Variants in THADA observed in about 807,000 individuals in gnomAD.
THADA encodes THADA armadillo repeat containing, also known as tRNA (32-2'-O)-methyltransferase regulator THADA.
A neutral mutation model predicts 219.8 loss-of-function variants in THADA; 213 were observed. The observed-to-expected ratio is 0.97, with a 90% CI of 0.87 to 1.09. The LOEUF is 1.09. THADA is among the 50% of genes least tolerant of loss of function. THADA has a pLI of 0.00. For synonymous variants in THADA, 1,018 were observed against 828.9 expected (o/e 1.23, Z -3.92); for missense variants, 2,956 against 2,311.3 (o/e 1.28, Z -5.72).
rs995293859 is a variant in THADA, at chr2:43,428,330, G to A, written c.3927-99C>T. ...TCATGAAATAATTATGTATATGGCC[G>A]GGTGCGGTGACTAATGCCTGTAATC... On this transcript the variant is annotated intron_variant, in intron 27 of 37. Transcript: ENST00000405975. 1.1e-4 allele frequency: 140 copies of A among 1,221,094 alleles called. No individual in the cohort carries two copies. The Middle Eastern group carries it at 2.3e-3, about 20-fold the overall frequency. The allele number at this position is 1,221,094 out of a possible 1,614,324, so 75.6% of individuals were successfully genotyped here.
chr2:43,586,035 C>T (rs989769596), intron 7 of THADA, among the ~76,000 whole-genome samples: 3 of 151,942 alleles, frequency 2.0e-5, no homozygotes, highest in Admixed American at 1.3e-4. Context: ...GAGGCTAAAG[C>T]GGGCACATTA....
chr2:43,430,265 G>A lies in THADA; in HGVS notation c.3874C>T (p.Leu1292Phe). The stretch of plus-strand genomic sequence containing the variant: ...AACTGTTTGAGAAGAAAAGGATAGA[G>A]TTCTGGGAAACGAGAGAAAAACTCT... ...GREFFSRFPE[L>F]YPFLLKQLET... The change falls in exon 27 of 38, where the codon CTC (leucine) becomes TTC (phenylalanine). Residue 1292 changes from leucine (L) to phenylalanine (F), a missense_variant. By Grantham distance (22) the Leu-to-Phe change is conservative (BLOSUM62 0). Coordinates refer to ENST00000405975, the MANE Select transcript of THADA (RefSeq NM_022065.5). 1 of 1,551,434 alleles carries A rather than the reference G, an allele frequency of 6.4e-7. No homozygotes were observed. The highest frequency in any genetic ancestry group is 8.7e-7 in the Non-Finnish European group (1 of 1,147,358).
intron 36 of THADA, among the ~76,000 whole-genome samples, chr2:43,261,456 G>C (rs1278782611): frequency 6.7e-6 from 1 of 150,298 alleles, no homozygotes; most frequent in Non-Finnish European, 1.5e-5. Context: ...TTTTGTTTGA[G>C]ACAGAGTCTT....
intron 28 of THADA, among the ~76,000 whole-genome samples, chr2:43,403,960 A>G (rs1675198007): frequency 6.6e-6 from 1 of 152,088 alleles, no homozygotes; most frequent in Non-Finnish European, 1.5e-5. Flanking sequence ...AGTTGAGACA[A>G]CCCTATTTAA....
intron 36 of THADA, among the ~76,000 whole-genome samples, chr2:43,260,176 C>T (rs1670781187): frequency 6.6e-6 from 1 of 152,190 alleles, no homozygotes; most frequent in Non-Finnish European, 1.5e-5. Context: ...CTCAAGTGAT[C>T]CTCCAGCCTC....
intron 26 of THADA, among the ~76,000 whole-genome samples, chr2:43,481,139 C>A (rs1686164995): frequency 1.3e-5 from 2 of 152,286 alleles, no homozygotes; most frequent in South Asian, 4.1e-4. Flanking sequence ...CAAAATCTCT[C>A]TATAAGCACG....
intron 36 of THADA, among the ~76,000 whole-genome samples, chr2:43,265,204 G>A (rs777907171): frequency 1.3e-5 from 2 of 152,148 alleles, no homozygotes. Flanking sequence ...CGGTGGGGGC[G>A]GGGGCACTGA....
chr2:43,530,119 A>G (rs1693676893), intron 21 of THADA, among the ~76,000 whole-genome samples: 1 of 152,196 alleles, frequency 6.6e-6, no homozygotes, highest in Admixed American at 6.5e-5. Flanking sequence ...GGAGACTAAC[A>G]AAGAACCAAA....
intron 31 of THADA, among the ~76,000 whole-genome samples, chr2:43,306,380 C>T (rs1676866339): frequency 6.6e-6 from 1 of 152,180 alleles, no homozygotes; most frequent in East Asian, 1.9e-4. Flanking sequence ...TCCACCATGA[C>T]CCTGTTTAAT....
Position 43,231,240 on chromosome 2 carries a change from T to G in THADA, c.5570A>C (p.Lys1857Thr). The G allele has an allele frequency of 6.2e-7, 1 of 1,613,750 alleles. No homozygotes were observed. Among genetic ancestry groups the G allele is most frequent in the Non-Finnish European group, 8.5e-7 (1 of 1,179,790 alleles). The stretch of plus-strand genomic sequence containing the variant: ...AGGGCTTGGGGGACGCCAGCCGGAC[T>G]TTGAGAGGAGACAGAAGAGGTGCTT... ...LCKHLFCLLS[K>T]SGWRPPSPEM... Residue 1857 changes from lysine to threonine, a missense_variant, in exon 38 of 38, where the codon AAG becomes ACG. Physicochemically the swap from Lys to Thr is moderately conservative, Grantham distance 78. Transcript: ENST00000405975.
rs1433257071 is a variant in THADA, at chr2:43,586,807, G to C, written c.451+47C>G. On this transcript the variant is annotated intron_variant, in intron 5 of 37. Coordinates refer to ENST00000405975, the MANE Select transcript of THADA (RefSeq NM_022065.5). Reference sequence around the variant, plus strand: ...CAATGTCATTTAAAAACTATGATGTGATGAGAGGGGTTAGCCAGAAAAAGG... The same window carrying C: ...CAATGTCATTTAAAAACTATGATGTCATGAGAGGGGTTAGCCAGAAAAAGG... The C allele has an allele frequency of 1.9e-6, 3 of 1,612,004 alleles. No individual in the cohort carries two copies. In the South Asian group the frequency reaches 3.3e-5, roughly 18 times the overall value.
At chr2:43,257,246 A>T (rs1670411181) in intron 36 of THADA, among the ~76,000 whole-genome samples, 1 of 152,222 alleles carries the variant, frequency 6.6e-6, no homozygotes, top group Non-Finnish European at 1.5e-5. Context: ...CTGTTTTGGG[A>T]GGGGACAGAG....
chr2:43,251,326 T>C (rs1220079012), intron 36 of THADA, among the ~76,000 whole-genome samples: 1 of 152,204 alleles, frequency 6.6e-6, no homozygotes. Flanking sequence ...AGTTGTGCTT[T>C]TTCATGAAGG....
chr2:43,533,220 A>T (rs534819263), intron 21 of THADA, among the ~76,000 whole-genome samples: 1 of 152,358 alleles, frequency 6.6e-6, no homozygotes, highest in East Asian at 1.9e-4. Context: ...AATGGTAATC[A>T]TTAAAAAGTC....
chr2:43,574,408 A>C lies in THADA; in HGVS notation c.1657T>G (p.Leu553Val). ...SYVIDYYLPKLLSYSPESLQY... is the reference protein window; with the variant it reads ...SYVIDYYLPKVLSYSPESLQY... ...AAGCTTTCAGGGCTGTAACTTAATA[A>C]TTTTGGCAAGTAATAATCAATCACG... is the stretch of plus-strand genomic sequence containing the variant. Residue 553 changes from leucine to valine, a missense_variant, in exon 11 of 38, where the codon TTA becomes GTA. Leu to Val is a conservative substitution (Grantham distance 32, BLOSUM62 1). Transcript: ENST00000405975. 1 of 1,610,302 alleles carries C rather than the reference A, an allele frequency of 6.2e-7. No homozygotes were observed. The highest frequency in any genetic ancestry group is 8.5e-7 in the Non-Finnish European group (1 of 1,178,000).
intron 31 of THADA, among the ~76,000 whole-genome samples, chr2:43,297,148 G>C (rs1158501731): frequency 3.1e-4 from 30 of 96,542 alleles, no homozygotes; most frequent in Middle Eastern, 4.1e-3. Context: ...GTCTCTGCCC[G>C]GCCGCCCATC....
At chr2:43,535,675 C>CAAAAA (rs1177702416) in intron 21 of THADA, among the ~76,000 whole-genome samples, 31 of 30,366 alleles carry the variant, frequency 1.0e-3, no homozygotes, top group African/African-American at 3.0e-3. Flanking sequence ...CAGCGAGACT[C>CAAAAA]AAAAAAAAAA....
chr2:43,459,102 A>G (rs1038984887), intron 26 of THADA, among the ~76,000 whole-genome samples: 3 of 152,180 alleles, frequency 2.0e-5, no homozygotes, highest in Non-Finnish European at 4.4e-5. Flanking sequence ...TGATCATACT[A>G]AAGCAAATCC....
chr2:43,464,405 T>C (rs537746082), intron 26 of THADA, among the ~76,000 whole-genome samples: 33 of 152,332 alleles, frequency 2.2e-4, no homozygotes, highest in Admixed American at 3.3e-4. Context: ...AAGATTGGAA[T>C]TGTATAATGT....
Sources: gnomAD v4.1 joint callset for allele counts (sites outside exome capture counted in the v4.1 genomes callset) on GRCh38, gnomAD v4.1.1 for gene constraint, MANE v1.5 for transcripts, NCBI Gene and HGNC (gene_info 2026-07-23, HGNC 2026-07-21) for gene names.